SASH1: variants seen among roughly 807,000 people sequenced by gnomAD.
SASH1 encodes SAM and SH3 domain-containing protein 1.
In SASH1, 44 loss-of-function variants were observed where a neutral mutation model predicts 125.2. The ratio of observed to expected loss-of-function variants is 0.35; its 90% CI spans 0.28 to 0.45. SASH1 has a LOEUF of 0.45. Ranked by LOEUF, SASH1 falls within the 20% of genes least tolerant of loss-of-function variation. SASH1 has a pLI of 1.00. For synonymous variants in SASH1, 639 were observed against 649.1 expected (o/e 0.98, Z 0.24); for missense variants, 1,426 against 1,614.5 (o/e 0.88, Z 2.00).
At chr6:148,265,996 G>A in the SASH1 span, among the ~76,000 whole-genome samples, 1 of 148,956 alleles carries the variant, frequency 6.7e-6, no homozygotes, top group South Asian at 2.1e-4. Context: ...TTTTGAGACA[G>A]AGCTTTGCTC....
chr6:148,272,296 T>C (rs1332402165), upstream of SASH1: 1 of 467,872 alleles, frequency 2.1e-6, no homozygotes, highest in African/African-American at 2.0e-5. Flanking sequence ...TGCAGATTCA[T>C]GCGATCTGAG....
intron 1 of SASH1, among the ~76,000 whole-genome samples, chr6:148,320,237 ATACTT>A (rs1780603466): frequency 6.6e-6 from 1 of 152,206 alleles, no homozygotes; most frequent in African/African-American, 2.4e-5. Flanking sequence ...TAAAGGGAGA[ATACTT>A]TACTTCAGAT....
intron 1 of SASH1, among the ~76,000 whole-genome samples, chr6:148,349,460 C>G (rs764968016): frequency 4.6e-5 from 7 of 151,796 alleles, no homozygotes; most frequent in Non-Finnish European, 8.8e-5. Flanking sequence ...AATGGGTTTT[C>G]ACCATATTGT....
chr6:148,203,852 C>G, the SASH1 span, among the ~76,000 whole-genome samples: 2 of 152,200 alleles, frequency 1.3e-5, no homozygotes, highest in African/African-American at 4.8e-5. Flanking sequence ...CACAAAAGCT[C>G]ACTTTGCTAT....
At position 148,343,203 on chromosome 6, in the gene SASH1, A is replaced by G. The variant is rs779784036; in HGVS notation, c.136A>G (p.Thr46Ala). The change falls in exon 1 of 20, where the codon ACC (threonine) becomes GCC (alanine). Residue 46 changes from threonine to alanine, a missense_variant. Physicochemically the swap from Thr to Ala is moderately conservative, Grantham distance 58. Coordinates refer to ENST00000367467, the MANE Select transcript of SASH1 (RefSeq NM_015278.5). ...ATCCGAGGCGTTCTCCCGACTCTGG[A>G]CCGACGTGATGGGTATCCTGGTAAG... ...GTSEAFSRLWTDVMGILDGSL... is the reference protein window; with the variant it reads ...GTSEAFSRLWADVMGILDGSL... The G allele has an allele frequency of 6.3e-7, 1 of 1,598,066 alleles. No homozygotes were observed. The highest frequency in any genetic ancestry group is 1.3e-5 in the African/African-American group (1 of 74,868).
intron 8 of SASH1, among the ~76,000 whole-genome samples, chr6:148,511,436 G>T (rs1583279049): frequency 6.6e-6 from 1 of 151,034 alleles, no homozygotes; most frequent in Non-Finnish European, 1.5e-5. Flanking sequence ...CATCTATCTT[G>T]TCTAGCGTCC....
chr6:148,259,339 A>T, the SASH1 span, among the ~76,000 whole-genome samples: 42,617 of 152,184 alleles, frequency 0.28, 6,116 homozygotes, highest in East Asian at 0.43. Flanking sequence ...AACAATTCCC[A>T]AACTGTTCCC....
In SASH1 at chr6:148,525,371, T is replaced by G; in HGVS notation, c.1284+6T>G. ...GTAATAATTCTGACCCAATGGTGAG[T>G]AACATCAGAGGAAAGCAAAAAATAT... On this transcript the variant is annotated splice_donor_region_variant and intron_variant, in intron 11 of 19. Transcript: ENST00000367467. 6.2e-7 allele frequency: 1 copy of G among 1,611,076 alleles called. No homozygotes were observed. The highest frequency in any genetic ancestry group is 8.5e-7 in the Non-Finnish European group (1 of 1,177,278).
chr6:148,451,832 C>T (rs534756581), intron 4 of SASH1, among the ~76,000 whole-genome samples: 2 of 152,344 alleles, frequency 1.3e-5, no homozygotes, highest in East Asian at 1.9e-4. Flanking sequence ...GGTCAAGCCA[C>T]GTCCCCTGGT....
chr6:148,251,759 T>C, the SASH1 span, among the ~76,000 whole-genome samples: 1 of 151,950 alleles, frequency 6.6e-6, no homozygotes. Context: ...TGTATACATG[T>C]GCCATACTAG....
chr6:148,446,352 C>T (rs1174988104), intron 4 of SASH1, among the ~76,000 whole-genome samples: 2 of 152,078 alleles, frequency 1.3e-5, no homozygotes, highest in Non-Finnish European at 2.9e-5. Flanking sequence ...TCATGATCCG[C>T]CCGCCTTGGC....
intron 2 of SASH1, among the ~76,000 whole-genome samples, chr6:148,400,541 G>A (rs1562381664): frequency 6.6e-6 from 1 of 152,132 alleles, no homozygotes; most frequent in East Asian, 1.9e-4. Context: ...TTTGAGCCTA[G>A]GAGTTTGAGA....
intron 4 of SASH1, among the ~76,000 whole-genome samples, chr6:148,455,559 T>C (rs1175658000): frequency 2.6e-5 from 4 of 152,046 alleles, no homozygotes; most frequent in Non-Finnish European, 5.9e-5. Context: ...GAGGACAGGG[T>C]CCACTTGGAG....
intron 1 of SASH1, among the ~76,000 whole-genome samples, chr6:148,371,478 G>C (rs1358019221): frequency 6.6e-6 from 1 of 151,552 alleles, no homozygotes; most frequent in Non-Finnish European, 1.5e-5. Flanking sequence ...ATGTTGGCCA[G>C]GCTGATCTCA....
At chr6:148,471,883 C>T (rs1778135091) in intron 6 of SASH1, among the ~76,000 whole-genome samples, 1 of 152,172 alleles carries the variant, frequency 6.6e-6, no homozygotes, top group South Asian at 2.1e-4. Context: ...TCCGCGTTCC[C>T]ACTGAGATCC....
chr6:148,470,663 A>G (rs1357909677), intron 5 of SASH1, among the ~76,000 whole-genome samples: 4 of 152,182 alleles, frequency 2.6e-5, no homozygotes, highest in South Asian at 2.1e-4. Flanking sequence ...TTTTCACTTG[A>G]AAGTCACCGC....
Position 148,544,453 on chromosome 6 carries a change from C to T in SASH1, c.2983C>T (p.Arg995Cys), listed in dbSNP as rs749914751. 5.6e-6 allele frequency: 9 copies of T among 1,614,182 alleles called. No individual in the cohort carries two copies. The highest frequency in any genetic ancestry group is 2.7e-5 in the African/African-American group (2 of 75,058). ...TGTTCCTGCCAAAAAGAGCAGAGAA[C>T]GCCTTGCTAACGGACTCCACCCTGT... The part of the protein sequence containing the change: ...PPVPAKKSRE[R>C]LANGLHPVPM... The change falls in exon 18 of 20, where the codon CGC becomes TGC. Residue 995 changes from arginine (R) to cysteine (C), a missense_variant. Coordinates refer to ENST00000367467, the MANE Select transcript of SASH1 (RefSeq NM_015278.5). The surrounding 1 kb of genome is among the most constrained non-coding windows in gnomAD (Gnocchi z 6.4).
chr6:148,383,259 G>A (rs1783224570), intron 1 of SASH1, among the ~76,000 whole-genome samples: 1 of 152,138 alleles, frequency 6.6e-6, no homozygotes, highest in African/African-American at 2.4e-5. Flanking sequence ...AAAACACCTT[G>A]GGAAGTCATT....
chr6:148,403,280 A>G (rs578217786), intron 2 of SASH1, among the ~76,000 whole-genome samples: 63 of 151,734 alleles, frequency 4.2e-4, no homozygotes, highest in African/African-American at 1.5e-3. Context: ...GAATATATAT[A>G]TATTTTAAGA....
Sources: allele counts gnomAD v4.1 joint callset (sites outside exome capture counted in the v4.1 genomes callset), GRCh38; gene constraint gnomAD v4.1.1; non-coding constraint Gnocchi (gnomAD v3.1); transcripts MANE v1.5; gene names NCBI Gene and HGNC (gene_info 2026-07-23, HGNC 2026-07-21).